The following CLEC16A variants were observed in gnomAD, a reference collection of about 807,000 sequenced individuals.
CLEC16A encodes the protein protein CLEC16A.
Under a neutral mutation model 109.5 loss-of-function variants are expected in CLEC16A, and 51 were observed. The observed-to-expected ratio is 0.47, with a 90% CI of 0.37 to 0.59. The LOEUF is 0.59. CLEC16A is among the 20% of genes least tolerant of loss of function. The pLI, the probability that CLEC16A is intolerant of heterozygous loss-of-function variation, is 0.00. For missense variants in CLEC16A, 1,339 were observed against 1,394.0 expected, an observed-to-expected ratio of 0.96 and a Z score of 0.63; for synonymous variants, 673 against 564.2, an observed-to-expected ratio of 1.19 and a Z score of -2.73.
intron 3 of CLEC16A, among the ~76,000 whole-genome samples, chr16:10,968,202 G>C (rs2042605809): frequency 6.6e-6 from 1 of 152,232 alleles, no homozygotes. Flanking sequence ...AATATGCCTG[G>C]CAAGGGCCCA....
chr16:11,067,637 G>C (rs905959893), intron 19 of CLEC16A, among the ~76,000 whole-genome samples: 2 of 152,196 alleles, frequency 1.3e-5, no homozygotes, highest in Non-Finnish European at 2.9e-5. Context: ...TTTTTACCTA[G>C]CTGATGTGAT....
intron 19 of CLEC16A, among the ~76,000 whole-genome samples, chr16:11,069,408 C>T (rs1431255292): frequency 6.6e-6 from 1 of 151,996 alleles, no homozygotes; most frequent in Admixed American, 6.6e-5. Context: ...GGATTATAGG[C>T]ATGAGTCACT....
intron 22 of CLEC16A, among the ~76,000 whole-genome samples, chr16:11,138,765 C>T (rs1471088858): frequency 2.0e-5 from 3 of 152,146 alleles, no homozygotes; most frequent in Non-Finnish European, 2.9e-5. Context: ...AGTTCGCAGG[C>T]GCACCCTCAT....
intron 19 of CLEC16A, among the ~76,000 whole-genome samples, chr16:11,108,276 T>C (rs1290096001): frequency 1.3e-5 from 2 of 152,326 alleles, no homozygotes; most frequent in South Asian, 2.1e-4. Flanking sequence ...CTCTCAAGGG[T>C]AGAAGAGAGA....
chr16:11,057,318 C>T (rs1051931236), intron 18 of CLEC16A, among the ~76,000 whole-genome samples: 2 of 152,212 alleles, frequency 1.3e-5, no homozygotes, highest in African/African-American at 4.8e-5. Flanking sequence ...GGGTGAAAAC[C>T]GAGCCTTTGT....
intron 20 of CLEC16A, among the ~76,000 whole-genome samples, chr16:11,121,316 G>A (rs2052394916): frequency 6.6e-6 from 1 of 152,176 alleles, no homozygotes; most frequent in South Asian, 2.1e-4. Flanking sequence ...TGCTATTTCA[G>A]CAGACGGTGC....
chr16:10,984,743 A>G (rs2043524920), intron 10 of CLEC16A, among the ~76,000 whole-genome samples: 1 of 152,218 alleles, frequency 6.6e-6, no homozygotes, highest in South Asian at 2.1e-4. Context: ...CGTTTGCTAA[A>G]TGAATGTAAG....
intron 5 of CLEC16A, among the ~76,000 whole-genome samples, chr16:10,971,904 T>C (rs1322893910): frequency 1.3e-5 from 2 of 152,216 alleles, no homozygotes; most frequent in Non-Finnish European, 2.9e-5. Context: ...GATGGGACTA[T>C]TTTCTCAGGG....
intron 19 of CLEC16A, among the ~76,000 whole-genome samples, chr16:11,110,086 C>T (rs1402742995): frequency 6.6e-6 from 1 of 152,190 alleles, no homozygotes; most frequent in Non-Finnish European, 1.5e-5. Context: ...GGGCTACAGC[C>T]TGTCAGAGGG....
intron 19 of CLEC16A, among the ~76,000 whole-genome samples, chr16:11,084,679 T>C (rs1170203681): frequency 1.3e-5 from 2 of 152,192 alleles, no homozygotes; most frequent in African/African-American, 4.8e-5. Flanking sequence ...TCGCCGGCTA[T>C]ATGAGTCATC....
In CLEC16A at chr16:11,166,546, C is replaced by A. The variant is rs755705583; in HGVS notation, c.2800C>A (p.Pro934Thr). The A allele has an allele frequency of 3.1e-6, 5 of 1,596,664 alleles. No individual in the cohort carries two copies. The African/African-American group carries it at 5.4e-5, about 17-fold the overall frequency. The stretch of plus-strand genomic sequence containing the variant: ...CTCCACCCCCTCCACAGCCCAGAGT[C>A]CAGCAGGTATTGGCCACGTGACTCA... ...SSSTPSTAQS[P>T]ADAPMSPELP... Residue 934 changes from proline to threonine, a missense_variant, in exon 23 of 24, where the codon CCA (proline) becomes ACA (threonine). Physicochemically the swap from Pro to Thr is conservative, Grantham distance 38 (BLOSUM62 -1). Around this residue, in one of 3 missense-constraint regions of CLEC16A, gnomAD observed 1,061 missense variants for 1,006.8 expected, o/e 1.05. Coordinates refer to ENST00000409790, the MANE Select transcript of CLEC16A (RefSeq NM_015226.3).
Position 11,178,547 on chromosome 16 carries a change from C to T in CLEC16A, c.3019C>T (p.Leu1007=). 6.2e-7 allele frequency: 1 copy of T among 1,612,808 alleles called. No homozygotes were observed. The highest frequency in any genetic ancestry group is 8.5e-7 in the Non-Finnish European group (1 of 1,179,840). The change falls in exon 24 of 24, where the codon CTG becomes TTG. Residue 1007 remains leucine, a synonymous_variant. Coordinates refer to ENST00000409790, the MANE Select transcript of CLEC16A (RefSeq NM_015226.3). The surrounding 1 kb of genome is among the most constrained non-coding windows in gnomAD (Gnocchi z 6.5). ...GGCTGACACGCTGAGCGTCGAATCG[C>T]TGACCCTTGTCCCCCCAGTTGACCC... ...DTADTLSVES[L]TLVPPVDPHS...
Position 10,961,997 on chromosome 16 carries a change from G to C in CLEC16A, c.210-458G>C, listed in dbSNP as rs893062889. 7.0e-6 allele frequency among the ~76,000 whole-genome samples: 1 copy of C among 143,280 alleles called. No individual in the cohort carries two copies. Among genetic ancestry groups the C allele is most frequent in the East Asian group, 2.0e-4 (1 of 5,060 alleles). 94.0% of individuals were successfully genotyped at this position (143,280 alleles called of 152,430 possible). Reference sequence around the variant, plus strand: ...TTTTTTTTTTTGGCTCTGTCACCCAGGCTGGAGTGCAGTGGCCTGATCATA... The same window carrying C: ...TTTTTTTTTTTGGCTCTGTCACCCACGCTGGAGTGCAGTGGCCTGATCATA... On this transcript the variant is annotated intron_variant, in intron 2 of 23. Transcript: ENST00000409790. This position sits in a 1 kb window ranked among gnomAD's most constrained non-coding sequence, Gnocchi z 4.3.
chr16:10,988,736 C>G (rs1215184730), intron 10 of CLEC16A, among the ~76,000 whole-genome samples: 2 of 152,036 alleles, frequency 1.3e-5, no homozygotes, highest in Non-Finnish European at 2.9e-5. Context: ...AAATCGTGGT[C>G]CCTGATTTTA....
intron 17 of CLEC16A, among the ~76,000 whole-genome samples, chr16:11,051,170 G>C (rs564977142): frequency 7.9e-5 from 12 of 152,332 alleles, no homozygotes; most frequent in Non-Finnish European, 1.3e-4. Context: ...TGCACCCACA[G>C]GGATAAAGCA....
At chr16:11,031,441 G>A (rs573573116) in intron 13 of CLEC16A, among the ~76,000 whole-genome samples, 7 of 152,306 alleles carry the variant, frequency 4.6e-5, no homozygotes, top group East Asian at 1.9e-4. Flanking sequence ...CATCTTATGC[G>A]CTGGAGAGAC....
rs114809356 is a variant in CLEC16A at position 11,162,700 on chromosome 16, C to G, written c.2642-3688C>G. Reference sequence around the variant, plus strand: ...TCCCCCAACACTTAGTCTTCTCTTACCAGCGTGTTGGTTGGCAGCAGGGAA... The same window carrying G: ...TCCCCCAACACTTAGTCTTCTCTTAGCAGCGTGTTGGTTGGCAGCAGGGAA... On this transcript the variant is annotated intron_variant, in intron 22 of 23. Transcript: ENST00000409790. Among the ~76,000 whole-genome samples, 1,123 of 152,298 alleles carry G rather than the reference C, an allele frequency of 7.4e-3. 14 individuals carry two copies. Among genetic ancestry groups the G allele is most frequent in the African/African-American group, 0.025 (1,056 of 41,574 alleles).
chr16:10,962,629 A>C, intron 3 of CLEC16A, 41 bp downstream of exon 3: 4 of 1,603,050 alleles, frequency 2.5e-6, no homozygotes, highest in South Asian at 1.1e-5. Flanking sequence ...GCTGCTGTGC[A>C]TGTAGCAGGG....
At chr16:10,996,090 C>G (rs555360609) in intron 10 of CLEC16A, among the ~76,000 whole-genome samples, 1 of 152,190 alleles carries the variant, frequency 6.6e-6, no homozygotes, top group Non-Finnish European at 1.5e-5. Context: ...CCCTTACATC[C>G]CCTTTCCTGG....
Sources: gnomAD v4.1 joint callset for allele counts (sites outside exome capture counted in the v4.1 genomes callset) on GRCh38, gnomAD v4.1.1 for gene constraint, gnomAD v4.1.1 regional missense constraint, Gnocchi (gnomAD v3.1) non-coding constraint, MANE v1.5 for transcripts, NCBI Gene and HGNC (gene_info 2026-07-23, HGNC 2026-07-21) for gene names.